Variants in NALF1 observed in about 807,000 individuals in gnomAD.
NALF1 encodes NALCN channel auxiliary factor 1, also known as family with sequence similarity 155 member A.
Under a neutral mutation model 48.4 loss-of-function variants are expected in NALF1, and 3 were observed. The ratio of observed to expected loss-of-function variants is 0.06; its 90% CI spans 0.03 to 0.16. NALF1 has a LOEUF of 0.16. Ranked by LOEUF, NALF1 falls within the 10% of genes least tolerant of loss-of-function variation. The probability of loss-of-function intolerance (pLI) is 1.00; values close to 1 mark genes in which losing one functional copy is unlikely to be tolerated. For synonymous variants in NALF1, 262 were observed against 245.7 expected (o/e 1.07, Z -0.62); for missense variants, 526 against 571.5 (o/e 0.92, Z 0.81).
intron 1 of NALF1, among the ~76,000 whole-genome samples, chr13:107,648,890 T>A (rs4098678): frequency 0.043 from 6,553 of 152,214 alleles, 500 homozygotes; most frequent in African/African-American, 0.15. Context: ...AGGTGTGTGG[T>A]GGTATCTCAT....
At chr13:107,475,831 T>C (rs1437384225) in intron 1 of NALF1, among the ~76,000 whole-genome samples, 1 of 152,152 alleles carries the variant, frequency 6.6e-6, no homozygotes, top group East Asian at 1.9e-4. Context: ...CAATACTATG[T>C]AGGAAACCAA....
At chr13:107,569,798 T>C (rs1471335904) in intron 1 of NALF1, among the ~76,000 whole-genome samples, 1 of 152,220 alleles carries the variant, frequency 6.6e-6, no homozygotes, top group Admixed American at 6.5e-5. Context: ...GAGATTTTAA[T>C]AGCAGTTGCC....
intron 1 of NALF1, among the ~76,000 whole-genome samples, chr13:107,642,174 G>A (rs1880176977): frequency 6.6e-6 from 1 of 152,134 alleles, no homozygotes; most frequent in Admixed American, 6.5e-5. Flanking sequence ...GAGACGCTCT[G>A]CTTCCAACAA....
intron 1 of NALF1, among the ~76,000 whole-genome samples, chr13:107,495,941 G>A (rs1036472206): frequency 1.3e-5 from 2 of 152,046 alleles, no homozygotes; most frequent in African/African-American, 4.8e-5. Context: ...ACTTGAGAGG[G>A]ATGAACTGTC....
chr13:107,175,094 T>A (rs2138767766), intron 2 of NALF1, among the ~76,000 whole-genome samples: 2 of 133,266 alleles, frequency 1.5e-5, no homozygotes, highest in East Asian at 4.4e-4. Context: ...TTTCATCGTG[T>A]TAGCCAGGAT....
At chr13:107,764,426 T>C (rs981137637) in intron 1 of NALF1, among the ~76,000 whole-genome samples, 2 of 152,152 alleles carry the variant, frequency 1.3e-5, no homozygotes, top group Non-Finnish European at 2.9e-5. Flanking sequence ...ATAACACTTA[T>C]ACATCTGTGT....
intron 1 of NALF1, among the ~76,000 whole-genome samples, chr13:107,716,286 G>A (rs1683301359): frequency 1.3e-5 from 2 of 152,204 alleles, no homozygotes; most frequent in Admixed American, 1.3e-4. Context: ...CTCGAGAGCA[G>A]TGCTCCCTGA....
chr13:107,188,911 TA>T (rs1335426389), intron 2 of NALF1, among the ~76,000 whole-genome samples: 1 of 152,036 alleles, frequency 6.6e-6, no homozygotes, highest in Admixed American at 6.6e-5. Flanking sequence ...CAAGTACAAA[TA>T]ACAGGAAGGG....
chr13:107,509,139 A>G (rs1875798961), intron 1 of NALF1, among the ~76,000 whole-genome samples: 2 of 152,200 alleles, frequency 1.3e-5, no homozygotes, highest in South Asian at 4.1e-4. Context: ...CTGTTTATAC[A>G]AAAGTGATTT....
chr13:107,367,487 A>G (rs1883171578), intron 1 of NALF1, among the ~76,000 whole-genome samples: 1 of 152,094 alleles, frequency 6.6e-6, no homozygotes. Flanking sequence ...TGCGTTTCCC[A>G]TTTGATTCCC....
intron 1 of NALF1, among the ~76,000 whole-genome samples, chr13:107,407,045 A>G (rs1167009062): frequency 6.6e-6 from 1 of 152,014 alleles, no homozygotes; most frequent in African/African-American, 2.4e-5. Flanking sequence ...AAATGGCCCT[A>G]GGAAAACTGG....
chr13:107,169,125 T>TACAA lies in NALF1; in HGVS notation c.*1368_*1371dup. ...AAATGTTCCCACAAAGAAAATAAAA[T>TACAA]ACAAACAGTGATCAGACCTCTTTTC... On this transcript the variant is annotated 3_prime_UTR_variant, in exon 3 of 3. Transcript: ENST00000375915. 6.6e-6 allele frequency: 1 copy of TACAA among 152,654 alleles called. No homozygotes were observed. The highest frequency in any genetic ancestry group is 1.5e-5 in the Non-Finnish European group (1 of 68,004). The allele number at this position is 152,654 out of a possible 1,614,324, so 9.5% of individuals were successfully genotyped here.
At chr13:107,704,703 C>A (rs1566450320) in intron 1 of NALF1, among the ~76,000 whole-genome samples, 2 of 152,132 alleles carry the variant, frequency 1.3e-5, no homozygotes, top group Admixed American at 1.3e-4. Flanking sequence ...CAGTCATTCT[C>A]AGGTAAAATA....
At position 107,306,709 on chromosome 13, in the gene NALF1, G is replaced by A. The variant is rs543090684; in HGVS notation, c.916-95954C>T. Among the ~76,000 whole-genome samples the A allele has an allele frequency of 1.4e-4, 21 of 152,172 alleles. 1 individual carries two copies. The highest frequency in any genetic ancestry group is 4.1e-4 in the South Asian group (2 of 4,828). ...CCAGGCGAGATGGCTCACGCCTGTA[G>A]TCTCAGCGCTTTGGGAGGCTGAGGG... On this transcript the variant is annotated intron_variant, in intron 1 of 2. Coordinates refer to ENST00000375915, the MANE Select transcript of NALF1 (RefSeq NM_001080396.3).
intron 1 of NALF1, among the ~76,000 whole-genome samples, chr13:107,537,317 A>G (rs1480182601): frequency 1.3e-5 from 2 of 152,112 alleles, no homozygotes; most frequent in Non-Finnish European, 2.9e-5. Context: ...TTCCCCTCTT[A>G]TACATGCCAC....
At chr13:107,694,826 T>C (rs1467291864) in intron 1 of NALF1, among the ~76,000 whole-genome samples, 1 of 151,836 alleles carries the variant, frequency 6.6e-6, no homozygotes, top group Non-Finnish European at 1.5e-5. Context: ...AGAGTCTTGC[T>C]GTGTTGCCCA....
chr13:107,193,700 G>A (rs893557618), intron 2 of NALF1, among the ~76,000 whole-genome samples: 3 of 152,134 alleles, frequency 2.0e-5, no homozygotes, highest in African/African-American at 7.2e-5. Flanking sequence ...CCAAGTGTGG[G>A]CATGCAGCCC....
intron 1 of NALF1, among the ~76,000 whole-genome samples, chr13:107,621,607 T>A (rs2138440980): frequency 6.6e-6 from 1 of 152,364 alleles, no homozygotes; most frequent in African/African-American, 2.4e-5. Context: ...ATAGGTGTTA[T>A]TACTTTCTAC....
intron 1 of NALF1, among the ~76,000 whole-genome samples, chr13:107,673,748 C>T (rs976023025): frequency 4.1e-4 from 63 of 152,172 alleles, no homozygotes; most frequent in African/African-American, 1.5e-3. Context: ...GATGTGATCA[C>T]TATACATTGC....
Sources: allele counts gnomAD v4.1 joint callset (sites outside exome capture counted in the v4.1 genomes callset), GRCh38; gene constraint gnomAD v4.1.1; transcripts MANE v1.5; gene names NCBI Gene and HGNC (gene_info 2026-07-23, HGNC 2026-07-21).